Variants in ZNF385B observed in about 807,000 individuals in gnomAD.
The protein encoded by ZNF385B is zinc finger protein 385B.
Under a neutral mutation model 39.2 loss-of-function variants are expected in ZNF385B, and 23 were observed. The ratio of observed to expected loss-of-function variants is 0.59; its 90% CI spans 0.42 to 0.83. The LOEUF (loss-of-function observed/expected upper bound fraction) is 0.83, where lower values mean the gene tolerates loss of function less well. ZNF385B is among the 40% of genes least tolerant of loss of function. The probability of loss-of-function intolerance (pLI) is 0.00; values close to 1 mark genes in which losing one functional copy is unlikely to be tolerated. For missense variants in ZNF385B, 552 were observed against 598.9 expected (o/e 0.92, Z 0.82); for synonymous variants, 205 against 222.6 (o/e 0.92, Z 0.70).
At position 179,730,167 on chromosome 2, in the gene ZNF385B, A is replaced by G. The variant is rs73046852; in HGVS notation, c.298+39336T>C. On this transcript the variant is annotated intron_variant, in intron 3 of 9. Coordinates refer to ENST00000410066, the MANE Select transcript of ZNF385B (RefSeq NM_152520.6). ...TTAAGATTGATTACACCCTGCTTAG[A>G]GTGACCACACATTCCAGCATGAGGT... Among the ~76,000 whole-genome samples the G allele has an allele frequency of 5.9e-3, 900 of 152,306 alleles. 4 individuals are homozygous for G. The highest frequency in any genetic ancestry group is 0.021 in the African/African-American group (854 of 41,576).
chr2:179,588,930 G>A (rs1483701951), intron 3 of ZNF385B, among the ~76,000 whole-genome samples: 1 of 152,160 alleles, frequency 6.6e-6, no homozygotes, highest in Non-Finnish European at 1.5e-5. Context: ...ACTGTAGAGA[G>A]AGCTCTGCAA....
intron 3 of ZNF385B, among the ~76,000 whole-genome samples, chr2:179,705,920 A>T (rs892599538): frequency 6.6e-6 from 1 of 152,200 alleles, no homozygotes; most frequent in Non-Finnish European, 1.5e-5. Context: ...GAAACAGATC[A>T]TGTTCTTCCC....
intron 3 of ZNF385B, among the ~76,000 whole-genome samples, chr2:179,758,115 T>C (rs1559167529): frequency 6.6e-6 from 1 of 152,172 alleles, no homozygotes; most frequent in Non-Finnish European, 1.5e-5. Flanking sequence ...TTAAAATTTC[T>C]AAGGCCAAAT....
chr2:179,765,250 T>C lies in ZNF385B; in HGVS notation c.298+4253A>G, dbSNP rs114385698. Among the ~76,000 whole-genome samples the C allele has an allele frequency of 3.7e-3, 568 of 152,354 alleles. 5 individuals are homozygous for C. Among genetic ancestry groups the C allele is most frequent in the African/African-American group, 0.013 (537 of 41,586 alleles). ...AGATTCATTTTCATTTCCTTTCTAG[T>C]TGAAAATTTTCCTTTAGCCAATATT... On this transcript the variant is annotated intron_variant, in intron 3 of 9. Coordinates refer to ENST00000410066, the MANE Select transcript of ZNF385B (RefSeq NM_152520.6).
At chr2:179,561,448 C>T (rs1215777020) in intron 3 of ZNF385B, among the ~76,000 whole-genome samples, 1 of 152,114 alleles carries the variant, frequency 6.6e-6, no homozygotes, top group Non-Finnish European at 1.5e-5. Flanking sequence ...TCAGTGTTTA[C>T]ACCTCTAACC....
rs1219231396 is a variant in ZNF385B, at chr2:179,769,728, A to G, written c.73T>C (p.Phe25Leu). ...IMNMANFLRG[F>L]EEKGIKNDRP... Reference sequence around the variant, plus strand: ...TCGTTCTTTATCCCCTTTTCTTCAAAGCCCCGTAGAAAATTTGCCATATTC... The same window carrying G: ...TCGTTCTTTATCCCCTTTTCTTCAAGGCCCCGTAGAAAATTTGCCATATTC... The change falls in exon 3 of 10, where the codon TTT becomes CTT. Residue 25 changes from phenylalanine to leucine, a missense_variant. By Grantham distance (22) the Phe-to-Leu change is conservative. Transcript: ENST00000410066. 1 of 1,614,108 alleles carries G rather than the reference A, an allele frequency of 6.2e-7. No homozygotes were observed.
At chr2:179,737,029 T>G (rs2106441732) in intron 3 of ZNF385B, among the ~76,000 whole-genome samples, 1 of 152,296 alleles carries the variant, frequency 6.6e-6, no homozygotes, top group South Asian at 2.1e-4. Flanking sequence ...GCTGTTCTCT[T>G]TTCACGTCTT....
intron 4 of ZNF385B, among the ~76,000 whole-genome samples, chr2:179,535,071 G>C (rs1360402946): frequency 6.6e-6 from 1 of 151,996 alleles, no homozygotes; most frequent in Non-Finnish European, 1.5e-5. Flanking sequence ...GAGAAGTTTG[G>C]GTCTACCTGG....
chr2:179,644,458 CT>C (rs1360892801), intron 3 of ZNF385B, among the ~76,000 whole-genome samples: 1 of 152,160 alleles, frequency 6.6e-6, no homozygotes, highest in Non-Finnish European at 1.5e-5. Context: ...AAGTTATCAA[CT>C]TGTTGATATT....
At chr2:179,487,757 G>A (rs1474663171) in intron 5 of ZNF385B, among the ~76,000 whole-genome samples, 1 of 152,158 alleles carries the variant, frequency 6.6e-6, no homozygotes, top group Non-Finnish European at 1.5e-5. Context: ...GTGCTGCTGT[G>A]CCCCTAACTG....
chr2:179,681,252 C>T (rs371262054), intron 3 of ZNF385B, among the ~76,000 whole-genome samples: 32 of 151,932 alleles, frequency 2.1e-4, no homozygotes, highest in African/African-American at 7.0e-4. Flanking sequence ...CATTAAATAA[C>T]GTACATGAAC....
At chr2:179,465,989 C>A (rs2051961867) in intron 6 of ZNF385B, among the ~76,000 whole-genome samples, 4 of 152,176 alleles carry the variant, frequency 2.6e-5, no homozygotes, top group African/African-American at 9.6e-5. Flanking sequence ...GCTCTCTAGC[C>A]TCAGAAATAA....
chr2:179,443,634 T>C (rs909554435), intron 9 of ZNF385B, among the ~76,000 whole-genome samples, 166 bp from the exon 10 acceptor site: 11 of 152,372 alleles, frequency 7.2e-5, no homozygotes, highest in Non-Finnish European at 8.8e-5. Flanking sequence ...CTGGTTTCAG[T>C]GGCTCATGGC....
chr2:179,803,088 C>T (rs1016295699), intron 1 of ZNF385B, among the ~76,000 whole-genome samples: 4 of 152,082 alleles, frequency 2.6e-5, no homozygotes, highest in Non-Finnish European at 5.9e-5. Flanking sequence ...CCTCATGTTA[C>T]GATGAAGAAA....
At chr2:179,735,033 G>T (rs1047718703) in intron 3 of ZNF385B, among the ~76,000 whole-genome samples, 17 of 151,796 alleles carry the variant, frequency 1.1e-4, no homozygotes, top group Admixed American at 1.1e-3. Context: ...TGACAAATGG[G>T]ATCTAATTAA....
intron 4 of ZNF385B, chr2:179,522,998 C>T (rs2058618460): frequency 3.0e-6 from 1 of 337,068 alleles, no homozygotes; most frequent in Non-Finnish European, 6.2e-6. Flanking sequence ...TTTAAAGACC[C>T]ATTTTCCTTG....
At chr2:179,777,033 T>C (rs1376495533) in intron 1 of ZNF385B, among the ~76,000 whole-genome samples, 1 of 152,008 alleles carries the variant, frequency 6.6e-6, no homozygotes, top group African/African-American at 2.4e-5. Context: ...TCAGCTACAG[T>C]TCAGCTTCAG....
At chr2:179,528,880 G>T (rs2059089083) in intron 4 of ZNF385B, among the ~76,000 whole-genome samples, 1 of 152,190 alleles carries the variant, frequency 6.6e-6, no homozygotes, top group South Asian at 2.1e-4. Context: ...TTTCCATGCT[G>T]CGGGGATCAA....
At chr2:179,576,260 C>T in intron 3 of ZNF385B, 2 of 836,402 alleles carry the variant, frequency 2.4e-6, no homozygotes, top group Non-Finnish European at 2.9e-6. Context: ...GCTGCCAGAT[C>T]AACGTATCTA....
Sources: allele counts gnomAD v4.1 joint callset (sites outside exome capture counted in the v4.1 genomes callset), GRCh38; gene constraint gnomAD v4.1.1; transcripts MANE v1.5; gene names NCBI Gene and HGNC (gene_info 2026-07-23, HGNC 2026-07-21).